Variants in PKNOX1 observed in about 807,000 individuals in gnomAD.
PKNOX1 encodes the protein PBX/knotted 1 homeobox 1, also known as homeobox protein PKNOX1.
In PKNOX1, 15 loss-of-function variants were observed where a neutral mutation model predicts 51.9. The observed-to-expected ratio is 0.29, with a 90% CI of 0.19 to 0.45. The LOEUF is 0.45. Among genes scored for constraint, PKNOX1 ranks in the 20% least tolerant of loss-of-function variants. The pLI, the probability that PKNOX1 is intolerant of heterozygous loss-of-function variation, is 1.00. For missense variants in PKNOX1, 462 were observed against 547.5 expected, an observed-to-expected ratio of 0.84 and a Z score of 1.56; for synonymous variants, 219 against 211.1, an observed-to-expected ratio of 1.04 and a Z score of -0.32.
intron 5 of PKNOX1, among the ~76,000 whole-genome samples, chr21:43,016,644 G>T (rs1048346199): frequency 1.3e-5 from 2 of 152,228 alleles, no homozygotes; most frequent in Non-Finnish European, 2.9e-5. Flanking sequence ...CGTGGAATAT[G>T]GCAGTGAGAT....
chr21:42,992,773 T>C (rs1380849727), intron 1 of PKNOX1, among the ~76,000 whole-genome samples: 5 of 132,130 alleles, frequency 3.8e-5, no homozygotes, highest in African/African-American at 1.4e-4. Flanking sequence ...ATTGGGGGCT[T>C]CCTCACAGCA....
Position 43,033,276 on chromosome 21 carries a change from G to T in PKNOX1, c.*3175G>T, listed in dbSNP as rs1980358748. The T allele has an allele frequency of 6.6e-6, 1 of 152,472 alleles. No individual in the cohort carries two copies. Among genetic ancestry groups the T allele is most frequent in the Non-Finnish European group, 1.5e-5 (1 of 68,054 alleles). 9.4% of individuals were successfully genotyped at this position (152,472 alleles called of 1,614,324 possible). ...CTCACGGCTAAGGGCTCTGGGAGTT[G>T]TGTCTGTGTGACCTGAGAGTGATCC... is the stretch of plus-strand genomic sequence containing the variant. On this transcript the variant is annotated 3_prime_UTR_variant, in exon 11 of 11. Transcript: ENST00000291547.
At chr21:42,990,615 C>T (rs370994) in intron 1 of PKNOX1, among the ~76,000 whole-genome samples, 136,203 of 152,228 alleles carry the variant, frequency 0.89, 61,060 homozygotes, top group Non-Finnish European at 0.91. Context: ...ACCCATCTTA[C>T]GTTCATTGGC....
At chr21:43,012,567 C>T (rs991239346) in intron 4 of PKNOX1, among the ~76,000 whole-genome samples, 7 of 152,230 alleles carry the variant, frequency 4.6e-5, no homozygotes, top group Non-Finnish European at 7.4e-5. Context: ...AACTCTGTCT[C>T]AAAAAACAAA....
chr21:42,994,799 A>G (rs866065596), intron 1 of PKNOX1, among the ~76,000 whole-genome samples: 2 of 152,072 alleles, frequency 1.3e-5, no homozygotes, highest in African/African-American at 2.4e-5. Flanking sequence ...ATAGTATATA[A>G]TACTATATAT....
chr21:43,015,132 G>A (rs887108506), intron 5 of PKNOX1, among the ~76,000 whole-genome samples: 2 of 152,226 alleles, frequency 1.3e-5, no homozygotes, highest in African/African-American at 2.4e-5. Flanking sequence ...GTGCCATCTC[G>A]AATAAGAGTG....
intron 1 of PKNOX1, among the ~76,000 whole-genome samples, chr21:42,985,558 C>T (rs2059047838): frequency 6.6e-6 from 1 of 150,980 alleles, no homozygotes; most frequent in Non-Finnish European, 1.5e-5. Flanking sequence ...TGGTCTCGAA[C>T]TCCTGACTTC....
chr21:43,030,096 C>A lies in PKNOX1; in HGVS notation c.1306C>A (p.Gln436Lys). The A allele has an allele frequency of 6.3e-7, 1 of 1,596,524 alleles. No homozygotes were observed. The change falls in exon 11 of 11, where the codon CAG (glutamine) becomes AAG (lysine). Residue 436 changes from glutamine (Q) to lysine (K), a missense_variant. Around this residue, in one of 5 missense-constraint regions of PKNOX1, gnomAD observed 118 missense variants for 116.8 expected, o/e 1.01. Coordinates refer to ENST00000291547, the MANE Select transcript of PKNOX1 (RefSeq NM_004571.5). ...GLVLENSDSLQ is the reference protein window; with the variant it reads ...GLVLENSDSLK ...GGTCTTGGAGAACAGTGACTCCCTGCAGTAGGGGCAGGAGCAGACGCACCT... is the reference window on the plus strand; with the variant it reads ...GGTCTTGGAGAACAGTGACTCCCTGAAGTAGGGGCAGGAGCAGACGCACCT...
rs138486584 is a variant in PKNOX1, at chr21:43,029,424, G to GTTTTTTTTTTTTTTTTTTTTTTTTT, written c.1100-445_1100-444insTTTTTTTTTTTTTTTTTTTTTTTTT. On this transcript the variant is annotated intron_variant, in intron 10 of 10. Coordinates refer to ENST00000291547, the MANE Select transcript of PKNOX1 (RefSeq NM_004571.5). ...TTATTTTTTTTTATTTGTTTGCTTTGTTTTTTTTTTTTTTTTTTTTTGAGA... is the reference window on the plus strand; with the variant it reads ...TTATTTTTTTTTATTTGTTTGCTTTGTTTTTTTTTTTTTTTTTTTTTTTTTTTTTTTTTTTTTTTTTTTTTTGAGA... 1.6e-4 allele frequency among the ~76,000 whole-genome samples: 10 copies of GTTTTTTTTTTTTTTTTTTTTTTTTT among 63,304 alleles called. 1 individual carries two copies. The highest frequency in any genetic ancestry group is 4.5e-4 in the East Asian group (1 of 2,206). 41.5% of individuals were successfully genotyped at this position (63,304 alleles called of 152,430 possible). A position where few individuals can be genotyped will look rare whatever the true frequency, so the allele number is the denominator to read the frequency against.
intron 1 of PKNOX1, among the ~76,000 whole-genome samples, chr21:42,984,938 C>G (rs1163550810): frequency 6.8e-6 from 1 of 147,014 alleles, no homozygotes; most frequent in African/African-American, 2.5e-5. Flanking sequence ...GAAAGGGGTC[C>G]TTGCCTCCAA....
intron 1 of PKNOX1, among the ~76,000 whole-genome samples, chr21:42,974,894 C>G (rs2058984077): frequency 6.8e-6 from 1 of 147,144 alleles, no homozygotes; most frequent in Non-Finnish European, 1.5e-5. Context: ...GGGGCGCCTT[C>G]AGCCCAACCG....
At chr21:42,990,109 AT>A (rs1261611856) in intron 1 of PKNOX1, among the ~76,000 whole-genome samples, 126 of 141,246 alleles carry the variant, frequency 8.9e-4, no homozygotes, top group South Asian at 2.3e-3. Context: ...AAAAAAAAAA[AT>A]AATAATAATA....
Position 43,025,895 on chromosome 21 carries a change from CTGCATTCT to C in PKNOX1, c.926+952_926+959del, listed in dbSNP as rs1458767704. 4.6e-5 allele frequency among the ~76,000 whole-genome samples: 7 copies of C among 152,168 alleles called. No individual in the cohort carries two copies. The East Asian group carries it at 5.8e-4, about 13-fold the overall frequency. ...GGGTTGCATAAGTACTTCCATGATC[CTGCATTCT>C]TGCCATTCTTTTAGATGTGGGTAGT... On this transcript the variant is annotated intron_variant, in intron 9 of 10. Transcript: ENST00000291547.
At chr21:43,028,994 GT>G (rs1437585427) in intron 10 of PKNOX1, 120 bp downstream of exon 10, 1 of 951,060 alleles carries the variant, frequency 1.1e-6, no homozygotes, top group African/African-American at 1.6e-5. Context: ...AGAGTGCGTG[GT>G]TCTCTTTCTC....
At chr21:42,993,882 G>A (rs1339983413) in intron 1 of PKNOX1, among the ~76,000 whole-genome samples, 33 of 151,692 alleles carry the variant, frequency 2.2e-4, no homozygotes, top group South Asian at 6.3e-4. Flanking sequence ...ACAGGCACAC[G>A]CCACCATGCC....
chr21:42,984,616 G>A (rs568310217), intron 1 of PKNOX1, among the ~76,000 whole-genome samples: 6 of 152,172 alleles, frequency 3.9e-5, no homozygotes, highest in South Asian at 4.1e-4. Flanking sequence ...TCGAACTCCC[G>A]ACCTTAGGTG....
chr21:42,982,311 TCA>T (rs2146223320), intron 1 of PKNOX1, among the ~76,000 whole-genome samples: 1 of 152,300 alleles, frequency 6.6e-6, no homozygotes, highest in African/African-American at 2.4e-5. Context: ...GGTACTATGA[TCA>T]CAGTTTCCAG....
intron 3 of PKNOX1, among the ~76,000 whole-genome samples, chr21:43,009,186 G>A (rs182351295): frequency 2.0e-5 from 3 of 152,160 alleles, no homozygotes; most frequent in East Asian, 1.9e-4. Context: ...GGTGGCTCAC[G>A]CCTGTAATCC....
chr21:43,022,191 G>A (rs892385683), intron 8 of PKNOX1, among the ~76,000 whole-genome samples: 3 of 152,214 alleles, frequency 2.0e-5, no homozygotes, highest in South Asian at 4.1e-4. Context: ...TTGTGAGGCT[G>A]TGGCCATATC....
Sources: gnomAD v4.1 joint callset for allele counts (sites outside exome capture counted in the v4.1 genomes callset) on GRCh38, gnomAD v4.1.1 for gene constraint, gnomAD v4.1.1 regional missense constraint, MANE v1.5 for transcripts, NCBI Gene and HGNC (gene_info 2026-07-23, HGNC 2026-07-21) for gene names.